ATRNL1: variants seen among roughly 807,000 people sequenced by gnomAD.
The protein encoded by ATRNL1 is attractin like 1.
Under a neutral mutation model 182.7 loss-of-function variants are expected in ATRNL1, and 95 were observed. That is an observed-to-expected ratio of 0.52 (90% confidence interval 0.44 to 0.62). The LOEUF is 0.62. Among genes scored for constraint, ATRNL1 ranks in the 20% least tolerant of loss-of-function variants. The probability of loss-of-function intolerance (pLI) is 0.00; values close to 1 mark genes in which losing one functional copy is unlikely to be tolerated. For synonymous variants in ATRNL1, 576 were observed against 568.3 expected (o/e 1.01, Z -0.19); for missense variants, 1,471 against 1,679.5 (o/e 0.88, Z 2.17).
At chr10:115,490,249 T>G (rs1849232011) in intron 24 of ATRNL1, among the ~76,000 whole-genome samples, 1 of 152,178 alleles carries the variant, frequency 6.6e-6, no homozygotes, top group Non-Finnish European at 1.5e-5. Context: ...TTCTCTGTAT[T>G]TCCTGAATTT....
chr10:115,917,469 C>CA (rs782543961), intron 28 of ATRNL1, among the ~76,000 whole-genome samples: 3,067 of 95,342 alleles, frequency 0.032, 186 homozygotes, highest in African/African-American at 0.12. Flanking sequence ...GACTCTGTCT[C>CA]AAAAAAAAAA....
At chr10:115,630,277 A>G (rs1555025868) in intron 26 of ATRNL1, among the ~76,000 whole-genome samples, 1 of 152,124 alleles carries the variant, frequency 6.6e-6, no homozygotes, top group African/African-American at 2.4e-5. Flanking sequence ...AACATTACCA[A>G]GCATCAGGGA....
Position 115,825,060 on chromosome 10 carries a change from A to C in ATRNL1, c.3904-22817A>C, listed in dbSNP as rs188117273. 9.8e-5 allele frequency among the ~76,000 whole-genome samples: 15 copies of C among 152,328 alleles called. No homozygotes were observed. The East Asian group carries it at 1.9e-3, about 20-fold the overall frequency. On this transcript the variant is annotated intron_variant, in intron 27 of 28. Transcript: ENST00000355044. ...ATACACCATGGAATACTATGCAGTC[A>C]TAAAAAAGGATGAGTTCATGTCCTT...
chr10:115,549,558 CTTTTG>C, intron 26 of ATRNL1, 22 bp downstream of exon 26: 2 of 1,525,422 alleles, frequency 1.3e-6, no homozygotes, highest in Non-Finnish European at 1.8e-6. Flanking sequence ...ATTATTTAAT[CTTTTG>C]TTTAAAGATT....
At chr10:115,662,836 A>AT (rs1860776864) in intron 26 of ATRNL1, among the ~76,000 whole-genome samples, 1 of 152,070 alleles carries the variant, frequency 6.6e-6, no homozygotes, top group African/African-American at 2.4e-5. Flanking sequence ...AATCATAATA[A>AT]TTTTGCCATT....
chr10:115,905,442 T>C (rs1479286873), intron 28 of ATRNL1, among the ~76,000 whole-genome samples: 2 of 151,580 alleles, frequency 1.3e-5, no homozygotes, highest in African/African-American at 4.9e-5. Flanking sequence ...GTTGCCCAGG[T>C]TGGTCTTGAA....
chr10:115,563,620 A>G (rs543477349), intron 26 of ATRNL1, among the ~76,000 whole-genome samples: 4 of 152,146 alleles, frequency 2.6e-5, no homozygotes, highest in Non-Finnish European at 4.4e-5. Flanking sequence ...AAATAATTTT[A>G]TTGTGATTTG....
At chr10:115,410,585 C>G (rs1554959670) in intron 20 of ATRNL1, among the ~76,000 whole-genome samples, 1 of 151,976 alleles carries the variant, frequency 6.6e-6, no homozygotes, top group Non-Finnish European at 1.5e-5. Flanking sequence ...TTCCAAAGTG[C>G]TGGGATTACA....
intron 1 of ATRNL1, 92 bp downstream of exon 1, chr10:115,094,135 C>A: frequency 1.7e-6 from 2 of 1,211,140 alleles, no homozygotes; most frequent in Non-Finnish European, 2.1e-6. Flanking sequence ...CCGCCCCCGT[C>A]GCTGCCTCTG....
In ATRNL1 at chr10:115,426,283, A is replaced by C. The variant is rs193121994; in HGVS notation, c.3303A>C (p.Pro1101=). The change falls in exon 21 of 29, where the codon CCA becomes CCC. Residue 1101 remains proline, a synonymous_variant. Coordinates refer to ENST00000355044, the MANE Select transcript of ATRNL1 (RefSeq NM_207303.4). ...CDSENRYVGN[P]LRGTCYYSLL... ...CTGAAAATCGCTATGTTGGTAATCC[A>C]CTTAGAGGAACATGTTATTGTAAGT... 3 of 1,611,306 alleles carry C rather than the reference A, an allele frequency of 1.9e-6. No individual in the cohort carries two copies. In the African/African-American group the frequency reaches 4.0e-5, roughly 21 times the overall value.
chr10:115,682,545 A>T (rs1555045035), intron 26 of ATRNL1, among the ~76,000 whole-genome samples: 1 of 151,406 alleles, frequency 6.6e-6, no homozygotes, highest in East Asian at 1.9e-4. Flanking sequence ...CATCTCAAAC[A>T]AAACGAACAA....
chr10:115,685,607 T>A (rs1555046096), intron 26 of ATRNL1, among the ~76,000 whole-genome samples: 1 of 151,880 alleles, frequency 6.6e-6, no homozygotes, highest in East Asian at 1.9e-4. Flanking sequence ...ACAGATGTTA[T>A]AATACCTCAA....
At chr10:115,863,708 G>A (rs1270350400) in intron 28 of ATRNL1, among the ~76,000 whole-genome samples, 3 of 152,256 alleles carry the variant, frequency 2.0e-5, no homozygotes, top group East Asian at 3.9e-4. Context: ...GGTCCTAGAA[G>A]CAATGATATC....
At chr10:115,695,870 A>G (rs1227431502) in intron 26 of ATRNL1, among the ~76,000 whole-genome samples, 1 of 151,732 alleles carries the variant, frequency 6.6e-6, no homozygotes, top group Non-Finnish European at 1.5e-5. Context: ...TTATGGCTGC[A>G]TGGTATTCCA....
chr10:115,294,386 T>TCAACC lies in ATRNL1; in HGVS notation c.2416-5648_2416-5647insCAACC, dbSNP rs1554921942. 2.6e-5 allele frequency among the ~76,000 whole-genome samples: 4 copies of TCAACC among 152,336 alleles called. No homozygotes were observed. The South Asian group carries it at 6.2e-4, about 24-fold the overall frequency. On this transcript the variant is annotated intron_variant, in intron 15 of 28. Transcript: ENST00000355044. The stretch of plus-strand genomic sequence containing the variant: ...CAAGTCTGTGGTTGAAGCTCTCTGT[T>TCAACC]GCATTTTTAAAGTTTTATTCATTGA...
chr10:115,120,577 A>C (rs1428493307), intron 2 of ATRNL1, among the ~76,000 whole-genome samples: 1 of 152,084 alleles, frequency 6.6e-6, no homozygotes, highest in Non-Finnish European at 1.5e-5. Flanking sequence ...TTATAAAAGT[A>C]TTTCTTGCTG....
chr10:115,611,162 C>T (rs1363138745), intron 26 of ATRNL1, among the ~76,000 whole-genome samples: 1 of 151,252 alleles, frequency 6.6e-6, no homozygotes, highest in Non-Finnish European at 1.5e-5. Flanking sequence ...TTTAATTGCC[C>T]GTGAAATTGA....
At chr10:115,110,335 A>G (rs1844204520) in intron 1 of ATRNL1, among the ~76,000 whole-genome samples, 1 of 152,202 alleles carries the variant, frequency 6.6e-6, no homozygotes, top group Admixed American at 6.5e-5. Context: ...GACTCAAAGC[A>G]TAAACTGGAT....
At position 115,093,517 on chromosome 10, in the gene ATRNL1, A is replaced by G; in HGVS notation, c.-234A>G. 1 of 652,374 alleles carries G rather than the reference A, an allele frequency of 1.5e-6. No individual in the cohort carries two copies. The highest frequency in any genetic ancestry group is 2.8e-6 in the Non-Finnish European group (1 of 358,988). The allele number at this position is 652,374 out of a possible 1,614,324, so 40.4% of individuals were successfully genotyped here. On this transcript the variant is annotated 5_prime_UTR_variant, in exon 1 of 29. Coordinates refer to ENST00000355044, the MANE Select transcript of ATRNL1 (RefSeq NM_207303.4). The surrounding 1 kb of genome is among the most constrained non-coding windows in gnomAD (Gnocchi z 6.1). ...GCCGCGGCTGTGGGGTCGGCCCGCT[A>G]AGGACAAGGTCGGGAGACTGGGTGG... is the stretch of plus-strand genomic sequence containing the variant.
Sources: allele counts gnomAD v4.1 joint callset (sites outside exome capture counted in the v4.1 genomes callset), GRCh38; gene constraint gnomAD v4.1.1; non-coding constraint Gnocchi (gnomAD v3.1); transcripts MANE v1.5; gene names NCBI Gene and HGNC (gene_info 2026-07-23, HGNC 2026-07-21).